The following LYPD6 variants were observed in gnomAD, a reference collection of about 807,000 sequenced individuals.
The protein encoded by LYPD6 is LY6/PLAUR domain containing 6.
In LYPD6, 15 loss-of-function variants were observed where a neutral mutation model predicts 22.7. The observed-to-expected ratio is 0.66, with a 90% CI of 0.44 to 1.02. The LOEUF (loss-of-function observed/expected upper bound fraction) is 1.02, where lower values mean the gene tolerates loss of function less well. Among genes scored for constraint, LYPD6 ranks in the 50% least tolerant of loss-of-function variants. The pLI is 0.00. For synonymous variants in LYPD6, 72 were observed against 77.5 expected, an observed-to-expected ratio of 0.93 and a Z score of 0.37; for missense variants, 189 against 208.4, an observed-to-expected ratio of 0.91 and a Z score of 0.57.
At chr2:149,415,753 A>T (rs1682948573) in intron 1 of LYPD6, among the ~76,000 whole-genome samples, 1 of 152,018 alleles carries the variant, frequency 6.6e-6, no homozygotes, top group Admixed American at 6.6e-5. Flanking sequence ...TGCAGCGTCA[A>T]CCTCCTGGGC....
chr2:149,332,854 G>A (rs1680964151), intron 1 of LYPD6, among the ~76,000 whole-genome samples: 1 of 152,202 alleles, frequency 6.6e-6, no homozygotes, highest in African/African-American at 2.4e-5. Flanking sequence ...ACTAGGAATA[G>A]TTTTAAAGAG....
intron 1 of LYPD6, among the ~76,000 whole-genome samples, chr2:149,414,914 G>A (rs1682929741): frequency 6.6e-6 from 1 of 152,140 alleles, no homozygotes. Flanking sequence ...CATGGGGTGC[G>A]TTTGTCCTCC....
At chr2:149,399,100 A>G (rs545040657) in intron 1 of LYPD6, among the ~76,000 whole-genome samples, 1 of 151,106 alleles carries the variant, frequency 6.6e-6, no homozygotes, top group South Asian at 2.1e-4. Context: ...GAAGGTGTTA[A>G]AAAAAAAATC....
intron 1 of LYPD6, among the ~76,000 whole-genome samples, chr2:149,425,283 C>G (rs907249969): frequency 6.6e-6 from 1 of 152,174 alleles, no homozygotes; most frequent in Admixed American, 6.5e-5. Context: ...TTCACATGCT[C>G]TTAGCAGTCT....
At chr2:149,462,843 C>G (rs1047070157) in intron 3 of LYPD6, among the ~76,000 whole-genome samples, 7 of 151,968 alleles carry the variant, frequency 4.6e-5, no homozygotes, top group African/African-American at 1.7e-4. Flanking sequence ...ACTGGACATT[C>G]ACAGGCAAAA....
chr2:149,330,890 G>A (rs879880815), intron 1 of LYPD6, among the ~76,000 whole-genome samples, 168 bp downstream of exon 1: 1 of 152,152 alleles, frequency 6.6e-6, no homozygotes. Context: ...CCGGCCTCCG[G>A]CGTTTTGCCC....
chr2:149,380,663 G>T (rs1006883266), intron 1 of LYPD6, among the ~76,000 whole-genome samples: 2 of 152,142 alleles, frequency 1.3e-5, no homozygotes, highest in Non-Finnish European at 2.9e-5. Flanking sequence ...AGGAGAAAAC[G>T]TTGGGTAAAC....
intron 1 of LYPD6, among the ~76,000 whole-genome samples, chr2:149,424,845 G>A (rs1347908313): frequency 6.6e-6 from 1 of 152,114 alleles, no homozygotes; most frequent in Non-Finnish European, 1.5e-5. Context: ...ACCCAGAACC[G>A]ATGCTTCTCA....
chr2:149,418,733 A>G (rs1201297247), intron 1 of LYPD6, among the ~76,000 whole-genome samples: 2 of 152,180 alleles, frequency 1.3e-5, no homozygotes, highest in African/African-American at 2.4e-5. Context: ...CCAGGTTTCA[A>G]TGTTTGCTTC....
chr2:149,427,841 G>T (rs1683218779), intron 1 of LYPD6, among the ~76,000 whole-genome samples: 1 of 152,208 alleles, frequency 6.6e-6, no homozygotes, highest in African/African-American at 2.4e-5. Flanking sequence ...AATGATGTAT[G>T]ATTGTATATT....
At chr2:149,369,804 A>T (rs1434870541) in intron 1 of LYPD6, among the ~76,000 whole-genome samples, 1 of 152,200 alleles carries the variant, frequency 6.6e-6, no homozygotes, top group Non-Finnish European at 1.5e-5. Context: ...TGAGTAGCTA[A>T]GTTTGTGAAA....
intron 1 of LYPD6, among the ~76,000 whole-genome samples, chr2:149,399,359 A>C (rs191338051): frequency 2.0e-5 from 3 of 152,354 alleles, no homozygotes; most frequent in Admixed American, 2.0e-4. Context: ...AATTGTTCAT[A>C]GTACCACCAC....
intron 1 of LYPD6, among the ~76,000 whole-genome samples, chr2:149,388,180 CTT>C (rs907698162): frequency 3.0e-4 from 13 of 42,938 alleles, no homozygotes; most frequent in Non-Finnish European, 4.9e-4. Flanking sequence ...CTCTCTCTCT[CTT>C]TTTTTTTTTT....
chr2:149,442,577 G>A (rs994319141), intron 2 of LYPD6, among the ~76,000 whole-genome samples: 1 of 151,362 alleles, frequency 6.6e-6, no homozygotes, highest in Non-Finnish European at 1.5e-5. Context: ...AACTCCGCTT[G>A]CTCTACAATG....
intron 1 of LYPD6, among the ~76,000 whole-genome samples, chr2:149,382,625 A>G (rs1682091831): frequency 6.6e-6 from 1 of 152,130 alleles, no homozygotes; most frequent in Admixed American, 6.5e-5. Context: ...AAATCACTGG[A>G]GTTTCTAAGT....
chr2:149,398,584 T>C (rs1284454085), intron 1 of LYPD6, among the ~76,000 whole-genome samples: 2 of 151,942 alleles, frequency 1.3e-5, no homozygotes, highest in Admixed American at 6.6e-5. Context: ...GGGATGGGGG[T>C]AGCAGAGAAG....
intron 1 of LYPD6, among the ~76,000 whole-genome samples, chr2:149,346,187 C>T (rs140365770): frequency 5.9e-4 from 90 of 152,240 alleles, no homozygotes; most frequent in African/African-American, 1.9e-3. Context: ...TTTTTAAAAA[C>T]AGTTAAAAAA....
intron 2 of LYPD6, among the ~76,000 whole-genome samples, chr2:149,447,993 T>C (rs1322306560): frequency 6.6e-6 from 1 of 152,050 alleles, no homozygotes; most frequent in Non-Finnish European, 1.5e-5. Context: ...GTGGTGACAT[T>C]TTGAAAAACT....
At chr2:149,486,067 A>T in the LYPD6 span, among the ~76,000 whole-genome samples, 2 of 152,162 alleles carry the variant, frequency 1.3e-5, no homozygotes, top group Non-Finnish European at 2.9e-5. Context: ...AAAGATATAG[A>T]CCTTCACAGT....
Sources: allele counts gnomAD v4.1 joint callset (sites outside exome capture counted in the v4.1 genomes callset), GRCh38; gene constraint gnomAD v4.1.1; transcripts MANE v1.5; gene names NCBI Gene and HGNC (gene_info 2026-07-23, HGNC 2026-07-21).